Variants in USP25 observed in about 807,000 individuals in gnomAD.
USP25 encodes the protein ubiquitin specific peptidase 25, also known as ubiquitin carboxyl-terminal hydrolase 25.
A neutral mutation model predicts 158.5 loss-of-function variants in USP25; 85 were observed. The observed-to-expected ratio is 0.54, with a 90% CI of 0.45 to 0.64. The LOEUF (loss-of-function observed/expected upper bound fraction) is 0.64. USP25 is among the 30% of genes least tolerant of loss of function. USP25 has a pLI of 0.00. For missense variants in USP25, 1,242 were observed against 1,327.3 expected, an observed-to-expected ratio of 0.94 and a Z score of 1.00; for synonymous variants, 464 against 460.4, an observed-to-expected ratio of 1.01 and a Z score of -0.10.
chr21:15,787,572 G>A (rs556314108), intron 4 of USP25, among the ~76,000 whole-genome samples: 14 of 152,028 alleles, frequency 9.2e-5, no homozygotes, highest in Non-Finnish European at 2.1e-4. Context: ...TAAATATTTT[G>A]AAACATTCGC....
intron 1 of USP25, among the ~76,000 whole-genome samples, chr21:15,745,701 C>T (rs919828224): frequency 2.0e-5 from 3 of 152,096 alleles, no homozygotes; most frequent in African/African-American, 7.2e-5. Flanking sequence ...GTCTCGAACT[C>T]GCGACCTCAG....
intron 16 of USP25, 35 bp from the exon 17 acceptor site, chr21:15,833,313 T>G: frequency 6.3e-7 from 1 of 1,580,436 alleles, no homozygotes; most frequent in Non-Finnish European, 8.6e-7. Flanking sequence ...CTTTAATTCT[T>G]AATTTTATAC....
chr21:15,866,423 C>T, intron 22 of USP25, 79 bp downstream of exon 22: 3 of 1,097,412 alleles, frequency 2.7e-6, no homozygotes, highest in Non-Finnish European at 3.7e-6. Flanking sequence ...TTCAGCCCAA[C>T]TGAAGTTGAA....
At chr21:15,803,901 T>C (rs1273486246) in intron 6 of USP25, among the ~76,000 whole-genome samples, 2 of 151,930 alleles carry the variant, frequency 1.3e-5, no homozygotes, top group African/African-American at 4.8e-5. Flanking sequence ...TATACTATTT[T>C]GGGCAGCAAC....
At chr21:15,732,063 T>C (rs1287283084) in intron 1 of USP25, among the ~76,000 whole-genome samples, 4 of 152,236 alleles carry the variant, frequency 2.6e-5, no homozygotes, top group Non-Finnish European at 4.4e-5. Flanking sequence ...GCAGGCTCTA[T>C]TGTATGGTTC....
intron 25 of USP25, 40 bp from the exon 26 acceptor site, chr21:15,878,263 A>C (rs747704251): frequency 6.3e-7 from 1 of 1,584,980 alleles, no homozygotes; most frequent in South Asian, 1.1e-5. Flanking sequence ...TCGTGTAATA[A>C]TTTCTATCTT....
At chr21:15,799,215 A>T (rs2036010280) in intron 5 of USP25, among the ~76,000 whole-genome samples, 1 of 151,268 alleles carries the variant, frequency 6.6e-6, no homozygotes, top group Non-Finnish European at 1.5e-5. Context: ...CATATGCTCC[A>T]TTAGATTCTT....
Position 15,766,383 on chromosome 21 carries a change from T to C in USP25, c.268+242T>C, listed in dbSNP as rs1015886470. On this transcript the variant is annotated intron_variant, in intron 3 of 25. Coordinates refer to ENST00000400183, the MANE Select transcript of USP25 (RefSeq NM_001283041.3). The surrounding 1 kb of genome is among the most constrained non-coding windows in gnomAD (Gnocchi z 4.0). ...TCATATAGAATTTATTGTTTTGAAA[T>C]ATGGAATAGCTGCAGATATATTCAT... Among the ~76,000 whole-genome samples, 1 of 152,096 alleles carries C rather than the reference T, an allele frequency of 6.6e-6. No homozygotes were observed. The highest frequency in any genetic ancestry group is 2.4e-5 in the African/African-American group (1 of 41,460).
chr21:15,772,469 G>A (rs557980632), intron 3 of USP25, among the ~76,000 whole-genome samples: 91 of 152,298 alleles, frequency 6.0e-4, no homozygotes, highest in Non-Finnish European at 1.1e-3. Context: ...TAGAGGGAGA[G>A]TTGGTTAAAA....
chr21:15,846,423 A>G (rs1224112360), intron 18 of USP25, among the ~76,000 whole-genome samples: 1 of 151,460 alleles, frequency 6.6e-6, no homozygotes, highest in Non-Finnish European at 1.5e-5. Flanking sequence ...TGACCTCCCA[A>G]ACTGCTGGGA....
chr21:15,824,410 A>C (rs545548062), intron 11 of USP25, among the ~76,000 whole-genome samples: 27 of 152,336 alleles, frequency 1.8e-4, no homozygotes, highest in Middle Eastern at 3.4e-3. Context: ...GAATTTTAAA[A>C]AATACCATTT....
At chr21:15,741,374 T>C (rs2032043519) in intron 1 of USP25, among the ~76,000 whole-genome samples, 1 of 152,086 alleles carries the variant, frequency 6.6e-6, no homozygotes, top group Non-Finnish European at 1.5e-5. Context: ...TTTCTATTTC[T>C]CTTGGGCAAA....
At chr21:15,878,113 A>G (rs2040171088) in intron 25 of USP25, 122 bp downstream of exon 25, 1 of 1,020,684 alleles carries the variant, frequency 9.8e-7, no homozygotes, top group South Asian at 2.0e-5. Context: ...ATATTTTCAC[A>G]TTCACATGAT....
chr21:15,873,224 C>G (rs1325230043), intron 23 of USP25, among the ~76,000 whole-genome samples: 2 of 151,880 alleles, frequency 1.3e-5, no homozygotes, highest in Admixed American at 1.3e-4. Flanking sequence ...AGTCCTTCCT[C>G]CTCAGCCTCC....
At chr21:15,753,486 A>T (rs2033170367) in intron 1 of USP25, among the ~76,000 whole-genome samples, 1 of 152,196 alleles carries the variant, frequency 6.6e-6, no homozygotes, top group Non-Finnish European at 1.5e-5. Flanking sequence ...TATTTGCAAT[A>T]GGGAATTTCA....
intron 1 of USP25, among the ~76,000 whole-genome samples, chr21:15,731,634 A>G (rs2030915585): frequency 1.3e-5 from 2 of 152,204 alleles, no homozygotes; most frequent in Non-Finnish European, 2.9e-5. Flanking sequence ...GTGCATTGTT[A>G]TTTTAGGCAC....
chr21:15,787,350 A>G (rs565795281), intron 4 of USP25, among the ~76,000 whole-genome samples: 1 of 152,204 alleles, frequency 6.6e-6, no homozygotes, highest in East Asian at 1.9e-4. Context: ...TGACTTCCAA[A>G]TGTACTGCTA....
chr21:15,771,898 G>C (rs2034378527), intron 3 of USP25, among the ~76,000 whole-genome samples: 1 of 151,860 alleles, frequency 6.6e-6, no homozygotes, highest in Admixed American at 6.6e-5. Context: ...TATAAACTTG[G>C]CTTATTTTTT....
intron 7 of USP25, among the ~76,000 whole-genome samples, chr21:15,806,336 C>T (rs1420120308): frequency 6.6e-6 from 1 of 150,940 alleles, no homozygotes; most frequent in African/African-American, 2.4e-5. Flanking sequence ...TCCAGTGATT[C>T]TGAGTATACA....
Sources: allele counts gnomAD v4.1 joint callset (sites outside exome capture counted in the v4.1 genomes callset), GRCh38; gene constraint gnomAD v4.1.1; non-coding constraint Gnocchi (gnomAD v3.1); transcripts MANE v1.5; gene names NCBI Gene and HGNC (gene_info 2026-07-23, HGNC 2026-07-21).